VPS13C: variants seen among roughly 807,000 people sequenced by gnomAD.
The protein encoded by VPS13C is vacuolar protein sorting 13 homolog C.
A neutral mutation model predicts 456.8 loss-of-function variants in VPS13C; 358 were observed. That is an observed-to-expected ratio of 0.78 (90% CI 0.72 to 0.86). The LOEUF is 0.86. Ranked by LOEUF, VPS13C falls within the 40% of genes least tolerant of loss-of-function variation. The probability of loss-of-function intolerance (pLI) is 0.00; values close to 1 mark genes in which losing one functional copy is unlikely to be tolerated. For missense variants in VPS13C, 4,818 were observed against 4,385.4 expected, an observed-to-expected ratio of 1.10 and a Z score of -2.79; for synonymous variants, 1,578 against 1,486.7, an observed-to-expected ratio of 1.06 and a Z score of -1.41.
In VPS13C at chr15:61,942,525, C is replaced by T. The variant is rs534802084; in HGVS notation, c.5149-458G>A. On this transcript the variant is annotated intron_variant, in intron 45 of 84. Transcript: ENST00000644861. The stretch of plus-strand genomic sequence containing the variant: ...TTAGTCTTAGAAACTAAGCTTCTGC[C>T]GGCTTATTTCTGATAAGGCTTTTTT... Among the ~76,000 whole-genome samples the T allele has an allele frequency of 4.7e-5, 7 of 149,630 alleles. No individual in the cohort carries two copies. In the East Asian group the frequency reaches 5.9e-4, roughly 13 times the overall value.
chr15:61,944,881 G>C (rs1174073617), intron 45 of VPS13C, among the ~76,000 whole-genome samples: 1 of 152,184 alleles, frequency 6.6e-6, no homozygotes, highest in African/African-American at 2.4e-5. Context: ...GCCCCACTAA[G>C]AAGAATAGGC....
At chr15:61,891,535 C>A (rs898006711) in intron 66 of VPS13C, among the ~76,000 whole-genome samples, 1 of 152,138 alleles carries the variant, frequency 6.6e-6, no homozygotes, top group African/African-American at 2.4e-5. Flanking sequence ...TATCTTAGTT[C>A]ACAGTTATTA....
Position 62,013,066 on chromosome 15 carries a change from A to C in VPS13C, c.798T>G (p.Ser266=). The C allele has an allele frequency of 1.9e-6, 3 of 1,611,162 alleles. No individual in the cohort carries two copies. Among genetic ancestry groups the C allele is most frequent in the Non-Finnish European group, 2.5e-6 (3 of 1,178,410 alleles). ...SAYWNVNCSM[S]YQRSREQILD... ...AAATCTGTTCCCTTGATCTCTGGTA[A>C]GACATGCTGCAATTTACATTCCAGT... is the stretch of plus-strand genomic sequence containing the variant. Residue 266 remains serine (S), a synonymous_variant, in exon 11 of 85, where the codon TCT becomes TCG. Coordinates refer to ENST00000644861, the MANE Select transcript of VPS13C (RefSeq NM_020821.3).
chr15:61,855,007 AT>A (rs1893829104), intron 83 of VPS13C, 53 bp from the exon 84 acceptor site: 1 of 1,488,084 alleles, frequency 6.7e-7, no homozygotes, highest in Admixed American at 2.3e-5. Context: ...GAAGAAAAAA[AT>A]TCCTAACTTT....
intron 45 of VPS13C, among the ~76,000 whole-genome samples, chr15:61,943,506 T>C (rs1010459726): frequency 2.3e-4 from 35 of 152,084 alleles, no homozygotes; most frequent in African/African-American, 8.0e-4. Context: ...CAACAAAAAA[T>C]AGGCAATGGG....
chr15:61,902,839 T>C (rs2043041354), intron 66 of VPS13C, among the ~76,000 whole-genome samples: 1 of 144,986 alleles, frequency 6.9e-6, no homozygotes, highest in Admixed American at 7.1e-5. Context: ...GAAGTCCTAG[T>C]CAAAGCCCTC....
intron 36 of VPS13C, 126 bp from the exon 37 acceptor site, chr15:61,958,842 T>C (rs2045098494): frequency 2.0e-6 from 1 of 498,478 alleles, no homozygotes; most frequent in East Asian, 3.6e-5. Flanking sequence ...AAAAGTTACA[T>C]ACAATCACAA....
chr15:62,054,880 A>G (rs114009281), intron 1 of VPS13C, among the ~76,000 whole-genome samples: 1,696 of 152,294 alleles, frequency 0.011, 29 homozygotes, highest in African/African-American at 0.039. Context: ...TATCAATATT[A>G]TCAACAATGA....
At chr15:61,865,213 A>T (rs115167563) in intron 81 of VPS13C, 1 of 984,644 alleles carries the variant, frequency 1.0e-6, no homozygotes, top group African/African-American at 1.7e-5. Context: ...CAGTAATTCA[A>T]TTTTTTCAAG....
intron 42 of VPS13C, among the ~76,000 whole-genome samples, chr15:61,948,509 C>G (rs2044682835): frequency 6.6e-6 from 1 of 151,968 alleles, no homozygotes; most frequent in South Asian, 2.1e-4. Context: ...TGGTGAAACC[C>G]CATCTCTACT....
At chr15:62,005,540 G>GAATTTGTTATGTTA (rs2046803029) in intron 15 of VPS13C, among the ~76,000 whole-genome samples, 1 of 150,856 alleles carries the variant, frequency 6.6e-6, no homozygotes, top group Non-Finnish European at 1.5e-5. Flanking sequence ...ATTGTTATGT[G>GAATTTGTTATGTTA]TGAATTTGAT....
rs372160182 is a variant in VPS13C, at chr15:61,882,706, G to C, written c.9514C>G (p.Arg3172Gly). The C allele has an allele frequency of 2.6e-5, 42 of 1,588,524 alleles. No homozygotes were observed. The highest frequency in any genetic ancestry group is 3.5e-5 in the Non-Finnish European group (41 of 1,168,920). The change falls in exon 69 of 85, where the codon CGC becomes GGC. Residue 3172 changes from arginine (R) to glycine (G), a missense_variant. Physicochemically the swap from Arg to Gly is moderately radical, Grantham distance 125. Around this residue, in one of 3 missense-constraint regions of VPS13C, gnomAD observed 4,552 missense variants for 4,130.6 expected, o/e 1.10. Transcript: ENST00000644861. ...VNFDKDPMEM[R>G]LPIRSPIKRD... is the part of the protein sequence containing the mutation. ...TTAATAGGGCTACGAATAGGGAGGC[G>C]CATTTCCATTGGATCTTTATCAAAA...
chr15:62,051,204 C>T (rs191969830), intron 1 of VPS13C, among the ~76,000 whole-genome samples: 1 of 152,276 alleles, frequency 6.6e-6, no homozygotes, highest in African/African-American at 2.4e-5. Context: ...ATATAAATCC[C>T]CAGTCTGATT....
rs1184966058 is a variant in VPS13C at position 61,915,932 on chromosome 15, C to T, written c.8146G>A (p.Val2716Met). The change falls in exon 61 of 85, where the codon GTG becomes ATG. Residue 2716 changes from valine (V) to methionine (M), a missense_variant. This residue lies in a region of VPS13C where 4,552 missense variants were observed against 4,130.6 expected (regional missense o/e 1.10). Coordinates refer to ENST00000644861, the MANE Select transcript of VPS13C (RefSeq NM_020821.3). ...TTCCAGTTTTTGCCCTGGTATTTCA[C>T]CAGGACTAATTCCATTATTTCACCA... ...ISGEIMELVL[V>M]KYQGKNWNGH... The T allele has an allele frequency of 1.3e-5, 21 of 1,613,880 alleles. No individual in the cohort carries two copies. The highest frequency in any genetic ancestry group is 1.8e-5 in the Non-Finnish European group (21 of 1,180,022).
At chr15:62,015,298 G>A (rs2047192712) in intron 9 of VPS13C, among the ~76,000 whole-genome samples, 1 of 152,106 alleles carries the variant, frequency 6.6e-6, no homozygotes. Context: ...CTCCCATGTT[G>A]TAGGTTGCCT....
chr15:62,037,308 A>G lies in VPS13C; in HGVS notation c.188-2256T>C, dbSNP rs28394504. 7.7e-4 allele frequency among the ~76,000 whole-genome samples: 54 copies of G among 70,068 alleles called. 4 individuals are homozygous for G. The highest frequency in any genetic ancestry group is 1.3e-3 in the Non-Finnish European group (52 of 39,560). 46.0% of individuals were successfully genotyped at this position (70,068 alleles called of 152,430 possible). A position where few individuals can be genotyped will look rare whatever the true frequency, so the allele number is the denominator to read the frequency against. On this transcript the variant is annotated intron_variant, in intron 3 of 84. Transcript: ENST00000644861. ...ATATATTATATTATATAATATATAT[A>G]TAAATATATTATATATTATATACAT...
rs1417198282 is a variant in VPS13C, at chr15:61,858,348, ATCTATCTATCTATCTG to A, written c.10953-1955_10953-1940del. Among the ~76,000 whole-genome samples, 940 of 149,446 alleles carry A rather than the reference ATCTATCTATCTATCTG, an allele frequency of 6.3e-3. 12 individuals are homozygous for A. The highest frequency in any genetic ancestry group is 0.021 in the African/African-American group (848 of 39,562). On this transcript the variant is annotated intron_variant, in intron 82 of 84. Transcript: ENST00000644861. The surrounding 1 kb of genome is among the most constrained non-coding windows in gnomAD (Gnocchi z 4.4). ...TATCTATCTATCTATCTATCTATCTATCTATCTATCTATCTGTCTATCTATCTCCCTCCCTCCCTAT... is the reference window on the plus strand; with the variant it reads ...TATCTATCTATCTATCTATCTATCTATCTATCTATCTCCCTCCCTCCCTAT...
chr15:61,973,333 G>T, intron 26 of VPS13C, 121 bp downstream of exon 26: 1 of 759,334 alleles, frequency 1.3e-6, no homozygotes, highest in Non-Finnish European at 2.2e-6. Flanking sequence ...AGCACAACTA[G>T]AACTAAAACC....
Position 61,982,543 on chromosome 15 carries a change from G to C in VPS13C, c.1945C>G (p.Gln649Glu). 1 of 1,608,482 alleles carries C rather than the reference G, an allele frequency of 6.2e-7. No homozygotes were observed. Among genetic ancestry groups the C allele is most frequent in the Non-Finnish European group, 8.5e-7 (1 of 1,178,372 alleles). The change falls in exon 21 of 85, where the codon CAA becomes GAA. Residue 649 changes from glutamine to glutamate, a missense_variant. Gln to Glu is a conservative substitution (Grantham distance 29, BLOSUM62 2). Coordinates refer to ENST00000644861, the MANE Select transcript of VPS13C (RefSeq NM_020821.3). The stretch of plus-strand genomic sequence containing the variant: ...TCAAGATCCAATCCCTTATTTGATT[G>C]AAAGAATTCAACCACTGCATTGACA... ...KTVNAVVEFF[Q>E]SNKGLDLEQI...
Sources: gnomAD v4.1 joint callset for allele counts (sites outside exome capture counted in the v4.1 genomes callset) on GRCh38, gnomAD v4.1.1 for gene constraint, gnomAD v4.1.1 regional missense constraint, Gnocchi (gnomAD v3.1) non-coding constraint, MANE v1.5 for transcripts, NCBI Gene and HGNC (gene_info 2026-07-23, HGNC 2026-07-21) for gene names.